TAF4: variants seen among roughly 807,000 people sequenced by gnomAD.
The protein encoded by TAF4 is TATA-box binding protein associated factor 4.
A neutral mutation model predicts 90.3 loss-of-function variants in TAF4; 9 were observed. The observed-to-expected ratio is 0.10, with a 90% CI of 0.06 to 0.17. The LOEUF is 0.17. TAF4 is among the 10% of genes least tolerant of loss of function. TAF4 has a pLI of 1.00. For missense variants in TAF4, 1,351 were observed against 1,370.7 expected, an observed-to-expected ratio of 0.99 and a Z score of 0.23; for synonymous variants, 818 against 638.9, an observed-to-expected ratio of 1.28 and a Z score of -4.23.
At position 62,065,878 on chromosome 20, in the gene TAF4, G is replaced by C. The variant is rs999030132; in HGVS notation, c.-68C>G. 4.7e-6 allele frequency: 5 copies of C among 1,073,546 alleles called. No homozygotes were observed. Among genetic ancestry groups the C allele is most frequent in the South Asian group, 2.4e-5 (1 of 42,138 alleles). The allele number at this position is 1,073,546 out of a possible 1,614,324, so 66.5% of individuals were successfully genotyped here. ...CGCGCCTGGGCGAGGAGGAGGTTCC[G>C]ACTGGGGCGGGCGCTGGGCGGGCGG... is the stretch of plus-strand genomic sequence containing the variant. On this transcript the variant is annotated 5_prime_UTR_variant, in exon 1 of 15. Transcript: ENST00000252996.
chr20:62,001,273 A>G, intron 9 of TAF4, among the ~76,000 whole-genome samples: 1 of 151,856 alleles, frequency 6.6e-6, no homozygotes, highest in East Asian at 1.9e-4. Context: ...CCCCCGTAGG[A>G]CCCGGTCCCA....
intron 1 of TAF4, among the ~76,000 whole-genome samples, chr20:62,049,793 T>C (rs900272272): frequency 2.6e-5 from 4 of 152,128 alleles, no homozygotes; most frequent in East Asian, 1.9e-4. Context: ...ACCAGTCACG[T>C]GGCCTTGAGC....
At chr20:62,032,375 C>A (rs2055909096) in intron 1 of TAF4, among the ~76,000 whole-genome samples, 1 of 152,256 alleles carries the variant, frequency 6.6e-6, no homozygotes, top group East Asian at 1.9e-4. Flanking sequence ...TGGCAACAAG[C>A]ATCGCTTCTC....
chr20:61,993,444 C>G (rs775366220), intron 14 of TAF4, among the ~76,000 whole-genome samples: 31 of 152,222 alleles, frequency 2.0e-4, no homozygotes, highest in Non-Finnish European at 4.0e-4. Context: ...GGCCAAACGA[C>G]CTGGTCCTTC....
chr20:62,011,101 C>T (rs1338750612), intron 3 of TAF4, among the ~76,000 whole-genome samples: 1 of 152,186 alleles, frequency 6.6e-6, no homozygotes, highest in Non-Finnish European at 1.5e-5. Context: ...TGAACCAGCC[C>T]CGCTTCCAGA....
At chr20:62,007,390 G>T (rs1174533724) in intron 6 of TAF4, among the ~76,000 whole-genome samples, 157 bp downstream of exon 6, 1 of 152,178 alleles carries the variant, frequency 6.6e-6, no homozygotes, top group Non-Finnish European at 1.5e-5. Flanking sequence ...CTAACATTCT[G>T]TCCCCAGGCA....
chr20:62,028,972 G>A (rs966494775), intron 1 of TAF4, among the ~76,000 whole-genome samples: 6 of 152,250 alleles, frequency 3.9e-5, no homozygotes, highest in East Asian at 1.9e-4. Flanking sequence ...CAAGGCAGGC[G>A]GATCACGAGG....
At chr20:62,045,939 C>G (rs1462594597) in intron 1 of TAF4, among the ~76,000 whole-genome samples, 1 of 152,220 alleles carries the variant, frequency 6.6e-6, no homozygotes, top group Non-Finnish European at 1.5e-5. Flanking sequence ...TTTTCCTTCT[C>G]TCACGCAAAC....
In TAF4 at chr20:62,064,533, G is replaced by C; in HGVS notation, c.1278C>G (p.Thr426=). The change falls in exon 1 of 15, where the codon ACC becomes ACG. Residue 426 remains threonine, a synonymous_variant. Transcript: ENST00000252996. ...PTATTSGIRA[T]LTPTVLAPRL... is the part of the protein sequence containing the mutation. ...GGGGGGCCAGCACGGTGGGCGTCAG[G>C]GTGGCCCGAATCCCGCTGGTGGTGG... The C allele has an allele frequency of 6.5e-7, 1 of 1,530,082 alleles. No individual in the cohort carries two copies. The highest frequency in any genetic ancestry group is 1.2e-5 in the South Asian group (1 of 81,896). The allele number at this position is 1,530,082 out of a possible 1,614,324, so 94.8% of individuals were successfully genotyped here.
intron 1 of TAF4, among the ~76,000 whole-genome samples, chr20:62,063,748 G>C (rs1172539319): frequency 6.6e-6 from 1 of 152,250 alleles, no homozygotes; most frequent in Non-Finnish European, 1.5e-5. Context: ...GGAAGAGACA[G>C]TGACACACAC....
chr20:61,998,280 T>C, intron 12 of TAF4, 88 bp from the exon 13 acceptor site: 1 of 1,372,932 alleles, frequency 7.3e-7, no homozygotes, highest in South Asian at 1.4e-5. Context: ...TACTATACAA[T>C]AACATCTAGG....
chr20:61,997,153 C>G (rs946018091), intron 14 of TAF4, among the ~76,000 whole-genome samples: 6 of 152,176 alleles, frequency 3.9e-5, no homozygotes, highest in Admixed American at 1.3e-4. Context: ...GAAACAGCAG[C>G]GGGCAGCAAT....
intron 1 of TAF4, among the ~76,000 whole-genome samples, chr20:62,053,551 T>A (rs1221807946): frequency 6.6e-6 from 1 of 152,206 alleles, no homozygotes; most frequent in African/African-American, 2.4e-5. Flanking sequence ...AGAAGCGGCA[T>A]CCGTGCACCT....
intron 1 of TAF4, among the ~76,000 whole-genome samples, chr20:62,049,416 G>A (rs1053767264): frequency 5.9e-5 from 9 of 152,100 alleles, no homozygotes; most frequent in Non-Finnish European, 1.0e-4. Flanking sequence ...CCTGCTCAGT[G>A]ACCACCGCCC....
rs989549703 is a variant in TAF4, at chr20:61,999,226, C to T, written c.2788-118G>A. ...GCCCTCCCTCCGTCCAGTCTGAATG[C>T]GGCGAGGACCCGATCCCTCCCACCC... is the stretch of plus-strand genomic sequence containing the variant. On this transcript the variant is annotated intron_variant, in intron 11 of 14. Coordinates refer to ENST00000252996, the MANE Select transcript of TAF4 (RefSeq NM_003185.4). 9.9e-6 allele frequency: 13 copies of T among 1,317,722 alleles called. No homozygotes were observed. The African/African-American group carries it at 1.0e-4, about 10-fold the overall frequency. The allele number at this position is 1,317,722 out of a possible 1,614,324, so 81.6% of individuals were successfully genotyped here. A position where few individuals can be genotyped will look rare whatever the true frequency, so the allele number is the denominator to read the frequency against.
intron 3 of TAF4, among the ~76,000 whole-genome samples, chr20:62,011,496 A>G (rs1421429438): frequency 6.6e-6 from 1 of 152,238 alleles, no homozygotes; most frequent in East Asian, 1.9e-4. Context: ...CGCACCAATC[A>G]GAGCACAGGA....
chr20:62,006,852 C>A lies in TAF4; in HGVS notation c.1975-94G>T. 7.1e-7 allele frequency: 1 copy of A among 1,409,174 alleles called. No individual in the cohort carries two copies. The highest frequency in any genetic ancestry group is 2.7e-5 in the Admixed American group (1 of 36,562). The allele number at this position is 1,409,174 out of a possible 1,614,324, so 87.3% of individuals were successfully genotyped here. ...CAGAAATATCAACTTTTACAGAAAGCTTTTGAGCTAAGTAAGATGGATCTT... is the reference window on the plus strand; with the variant it reads ...CAGAAATATCAACTTTTACAGAAAGATTTTGAGCTAAGTAAGATGGATCTT... On this transcript the variant is annotated intron_variant, in intron 6 of 14. Transcript: ENST00000252996. The surrounding 1 kb of genome is among the most constrained non-coding windows in gnomAD (Gnocchi z 7.0).
At chr20:62,039,876 T>C (rs543418240) in intron 1 of TAF4, among the ~76,000 whole-genome samples, 3 of 152,224 alleles carry the variant, frequency 2.0e-5, no homozygotes, top group African/African-American at 7.2e-5. Context: ...GATAGGCAAA[T>C]GAGCAAATAA....
At chr20:62,023,005 T>C (rs1027824138) in intron 1 of TAF4, among the ~76,000 whole-genome samples, 6 of 152,168 alleles carry the variant, frequency 3.9e-5, no homozygotes, top group Admixed American at 2.6e-4. Context: ...AGACTCACAA[T>C]AGTTAAGATG....
Sources: allele counts gnomAD v4.1 joint callset (sites outside exome capture counted in the v4.1 genomes callset), GRCh38; gene constraint gnomAD v4.1.1; non-coding constraint Gnocchi (gnomAD v3.1); transcripts MANE v1.5; gene names NCBI Gene and HGNC (gene_info 2026-07-23, HGNC 2026-07-21).